The following TBC1D5 variants were observed in gnomAD, a reference collection of about 807,000 sequenced individuals.
TBC1D5 encodes the protein TBC1 domain family member 5.
Under a neutral mutation model 100.3 loss-of-function variants are expected in TBC1D5, and 75 were observed. That is an observed-to-expected ratio of 0.75 (90% CI 0.62 to 0.91). The LOEUF is 0.91. Ranked by LOEUF, TBC1D5 falls within the 40% of genes least tolerant of loss-of-function variation. TBC1D5 has a pLI of 0.00. For missense variants in TBC1D5, 910 were observed against 942.4 expected, an observed-to-expected ratio of 0.97 and a Z score of 0.45; for synonymous variants, 323 against 325.6, an observed-to-expected ratio of 0.99 and a Z score of 0.09.
At chr3:17,238,530 T>C in intron 16 of TBC1D5, 111 bp from the exon 17 acceptor site, 3 of 1,240,316 alleles carry the variant, frequency 2.4e-6, no homozygotes, top group Admixed American at 5.7e-5. Flanking sequence ...GGTCATTTAC[T>C]AGACCAGCTA....
intron 1 of TBC1D5, among the ~76,000 whole-genome samples, chr3:17,698,452 C>A (rs1031590472): frequency 6.6e-6 from 1 of 152,002 alleles, no homozygotes; most frequent in East Asian, 1.9e-4. Context: ...AGAAGAAAAC[C>A]TAGGCATTGC....
chr3:17,737,017 TA>T (rs953708297), intron 1 of TBC1D5, among the ~76,000 whole-genome samples: 7 of 151,334 alleles, frequency 4.6e-5, no homozygotes, highest in African/African-American at 1.5e-4. Flanking sequence ...TGTCTCAATT[TA>T]AAAAAAAGAC....
intron 13 of TBC1D5, among the ~76,000 whole-genome samples, chr3:17,310,886 GA>G (rs2083950862): frequency 6.6e-6 from 1 of 151,890 alleles, no homozygotes; most frequent in Non-Finnish European, 1.5e-5. Flanking sequence ...ATAACTAATG[GA>G]ATGCTTTGGG....
chr3:17,723,179 T>C (rs1372592337), intron 1 of TBC1D5, among the ~76,000 whole-genome samples: 1 of 152,030 alleles, frequency 6.6e-6, no homozygotes, highest in African/African-American at 2.4e-5. Context: ...AAAGTGTAAT[T>C]TGATTGTTTG....
At chr3:17,432,627 T>C (rs751388685) in intron 3 of TBC1D5, among the ~76,000 whole-genome samples, 4 of 152,224 alleles carry the variant, frequency 2.6e-5, no homozygotes, top group Non-Finnish European at 4.4e-5. Flanking sequence ...AGTGATTTAA[T>C]AGTCATATTT....
intron 3 of TBC1D5, among the ~76,000 whole-genome samples, chr3:17,482,660 A>C (rs565915990): frequency 4.6e-5 from 7 of 152,390 alleles, no homozygotes; most frequent in Admixed American, 2.0e-4. Context: ...ACAAAATAAA[A>C]GAAGGCTTTG....
At chr3:17,418,156 GTTAT>G (rs2094128172) in intron 4 of TBC1D5, among the ~76,000 whole-genome samples, 1 of 151,998 alleles carries the variant, frequency 6.6e-6, no homozygotes, top group South Asian at 2.1e-4. Context: ...TCATTTGCAG[GTTAT>G]TTTTTATTCC....
intron 9 of TBC1D5, among the ~76,000 whole-genome samples, chr3:17,377,029 A>C (rs1202967224): frequency 1.3e-5 from 2 of 152,110 alleles, no homozygotes; most frequent in African/African-American, 4.8e-5. Context: ...ATTACATCCA[A>C]TGTTTTCATT....
chr3:17,694,930 G>A (rs1294217195), intron 1 of TBC1D5, among the ~76,000 whole-genome samples: 2 of 152,156 alleles, frequency 1.3e-5, no homozygotes, highest in African/African-American at 2.4e-5. Flanking sequence ...AGAAGACAGT[G>A]GGGGCCAATA....
At chr3:17,645,211 A>G (rs902612098) in intron 1 of TBC1D5, among the ~76,000 whole-genome samples, 1 of 152,136 alleles carries the variant, frequency 6.6e-6, no homozygotes, top group Non-Finnish European at 1.5e-5. Context: ...TGGTTATGCA[A>G]TGCTTAGGAA....
intron 1 of TBC1D5, among the ~76,000 whole-genome samples, chr3:17,696,020 A>G (rs1046331636): frequency 2.0e-5 from 3 of 152,238 alleles, no homozygotes; most frequent in African/African-American, 7.2e-5. Context: ...ATCGAAATGA[A>G]GGCTGAAATA....
intron 3 of TBC1D5, among the ~76,000 whole-genome samples, chr3:17,506,020 A>G (rs1576410675): frequency 6.6e-6 from 1 of 152,212 alleles, no homozygotes; most frequent in East Asian, 1.9e-4. Flanking sequence ...AAAATTACAC[A>G]TAACTTCTAC....
At chr3:17,383,383 CAATAA>C (rs1159923798) in intron 9 of TBC1D5, among the ~76,000 whole-genome samples, 1 of 151,566 alleles carries the variant, frequency 6.6e-6, no homozygotes, top group Non-Finnish European at 1.5e-5. Context: ...ATTTACATTT[CAATAA>C]AATAAAACAA....
At chr3:17,712,344 C>T (rs2074821667) in intron 1 of TBC1D5, among the ~76,000 whole-genome samples, 1 of 152,122 alleles carries the variant, frequency 6.6e-6, no homozygotes, top group Admixed American at 6.5e-5. Context: ...ATCAGAACCG[C>T]AAAGCTGCCA....
chr3:17,503,404 T>C (rs556342418), intron 3 of TBC1D5, among the ~76,000 whole-genome samples: 1 of 149,672 alleles, frequency 6.7e-6, no homozygotes, highest in East Asian at 1.9e-4. Flanking sequence ...ATTCTGTGTT[T>C]ATTGATCATT....
intron 15 of TBC1D5, among the ~76,000 whole-genome samples, chr3:17,285,434 G>C (rs1490661847): frequency 1.3e-5 from 2 of 151,088 alleles, no homozygotes; most frequent in African/African-American, 4.9e-5. Flanking sequence ...CTAATTTTTT[G>C]TATTTTTAGT....
chr3:17,633,849 A>G lies in TBC1D5; in HGVS notation c.-100-9936T>C, dbSNP rs187847498. 1.2e-3 allele frequency among the ~76,000 whole-genome samples: 185 copies of G among 152,308 alleles called. 1 individual carries two copies. The highest frequency in any genetic ancestry group is 2.2e-4 in the Non-Finnish European group (15 of 68,016). ...TGGCCCAACCCTTCTAGGAACTCCAAATTTCGTGTTTTACTATTCCTGGGA... is the reference window on the plus strand; with the variant it reads ...TGGCCCAACCCTTCTAGGAACTCCAGATTTCGTGTTTTACTATTCCTGGGA... On this transcript the variant is annotated intron_variant, in intron 1 of 21. Transcript: ENST00000253692.
intron 13 of TBC1D5, among the ~76,000 whole-genome samples, chr3:17,351,089 T>A (rs2090518681): frequency 6.6e-6 from 1 of 152,190 alleles, no homozygotes; most frequent in Admixed American, 6.6e-5. Context: ...GTTTCATGGG[T>A]AAATATTTAT....
intron 13 of TBC1D5, among the ~76,000 whole-genome samples, chr3:17,322,649 T>C (rs1323430617): frequency 6.6e-6 from 1 of 152,172 alleles, no homozygotes; most frequent in Non-Finnish European, 1.5e-5. Context: ...GTGCACGACA[T>C]TGTTACCTTT....
Sources: allele counts gnomAD v4.1 joint callset (sites outside exome capture counted in the v4.1 genomes callset), GRCh38; gene constraint gnomAD v4.1.1; transcripts MANE v1.5; gene names NCBI Gene and HGNC (gene_info 2026-07-23, HGNC 2026-07-21).